The following KPNA3 variants were observed in gnomAD, a reference collection of about 807,000 sequenced individuals.
KPNA3 encodes the protein importin subunit alpha-4.
KPNA3 carries 13 observed loss-of-function variants against 73.8 expected under a neutral mutation model. The ratio of observed to expected loss-of-function variants is 0.18; its 90% confidence interval spans 0.11 to 0.28. The LOEUF (loss-of-function observed/expected upper bound fraction) is 0.28, where lower values mean the gene tolerates loss of function less well. KPNA3 is among the 10% of genes least tolerant of loss of function. The probability of loss-of-function intolerance (pLI) is 1.00; values close to 1 mark genes in which losing one functional copy is unlikely to be tolerated. For missense variants in KPNA3, 360 were observed against 618.1 expected (o/e 0.58, Z 4.43); for synonymous variants, 186 against 206.9 (o/e 0.90, Z 0.87).
intron 15 of KPNA3, among the ~76,000 whole-genome samples, chr13:49,704,159 C>T (rs1954177831): frequency 6.6e-6 from 1 of 152,108 alleles, no homozygotes; most frequent in Admixed American, 6.6e-5. Flanking sequence ...CAGTGGCTCA[C>T]GCCTGTAATC....
Position 49,789,433 on chromosome 13 carries a change from T to C in KPNA3, c.69+3005A>G, listed in dbSNP as rs1418757522. 2.0e-5 allele frequency among the ~76,000 whole-genome samples: 3 copies of C among 152,142 alleles called. No individual in the cohort carries two copies. The East Asian group carries it at 5.8e-4, about 29-fold the overall frequency. On this transcript the variant is annotated intron_variant, in intron 1 of 16. Transcript: ENST00000261667. ...TTCCTCAACCCTCTCTCTACTCAAA[T>C]CCCCTGGCATAACTCTATCCTTTTA...
At chr13:49,769,947 A>G (rs572448875) in intron 1 of KPNA3, among the ~76,000 whole-genome samples, 4 of 152,242 alleles carry the variant, frequency 2.6e-5, no homozygotes, top group African/African-American at 7.2e-5. Flanking sequence ...ACGTGAAATG[A>G]TATCTCTTGC....
chr13:49,792,649 G>A lies in KPNA3; in HGVS notation c.-143C>T, dbSNP rs372727234. On this transcript the variant is annotated 5_prime_UTR_variant, in exon 1 of 17. Coordinates refer to ENST00000261667, the MANE Select transcript of KPNA3 (RefSeq NM_002267.4). The stretch of plus-strand genomic sequence containing the variant: ...GTTCTGTGACGCCTCCGAGCGCGAG[G>A]TGGCAGTAGCGCCGGGGGAGGCGCG... 483 of 517,594 alleles carry A rather than the reference G, an allele frequency of 9.3e-4. 10 individuals are homozygous for A. The highest frequency in any genetic ancestry group is 7.1e-3 in the South Asian group (324 of 45,810). 32.1% of individuals were successfully genotyped at this position (517,594 alleles called of 1,614,324 possible).
At chr13:49,727,677 C>A (rs1220242167) in intron 6 of KPNA3, among the ~76,000 whole-genome samples, 1 of 151,582 alleles carries the variant, frequency 6.6e-6, no homozygotes, top group Non-Finnish European at 1.5e-5. Context: ...TTTTTTTGCA[C>A]CAAAATAAAC....
At chr13:49,747,576 T>C (rs928468937) in intron 1 of KPNA3, among the ~76,000 whole-genome samples, 2 of 152,154 alleles carry the variant, frequency 1.3e-5, no homozygotes, top group African/African-American at 4.8e-5. Context: ...TCCCAGCTAC[T>C]CCTGGAGGCT....
chr13:49,777,355 AAAATCCAAGGATGCAT>A (rs1477295034), intron 1 of KPNA3, among the ~76,000 whole-genome samples: 1 of 152,242 alleles, frequency 6.6e-6, no homozygotes, highest in East Asian at 1.9e-4. Flanking sequence ...TCCTAATACC[AAAATCCAAGGATGCAT>A]AAGTCCCTTT....
intron 12 of KPNA3, among the ~76,000 whole-genome samples, chr13:49,709,369 C>A (rs1954237592): frequency 6.7e-6 from 1 of 148,214 alleles, no homozygotes. Flanking sequence ...CCACTGCACT[C>A]CAGCCTAGGC....
At chr13:49,739,914 T>G (rs1234871928) in intron 2 of KPNA3, among the ~76,000 whole-genome samples, 1 of 152,142 alleles carries the variant, frequency 6.6e-6, no homozygotes, top group Non-Finnish European at 1.5e-5. Context: ...GAGTAAAACA[T>G]GATGATCTGA....
chr13:49,708,453 GA>G (rs1185763265), intron 12 of KPNA3, among the ~76,000 whole-genome samples: 1 of 152,172 alleles, frequency 6.6e-6, no homozygotes, highest in Non-Finnish European at 1.5e-5. Flanking sequence ...AGCTGCAATG[GA>G]AAACGGTTTG....
Position 49,705,766 on chromosome 13 carries a change from C to T in KPNA3, c.1227G>A (p.Gln409=). Residue 409 remains glutamine, a synonymous_variant, in exon 15 of 17, where the codon CAG becomes CAA. Transcript: ENST00000261667. ...TACAGAACGGTGGTATTACATTCTG[C>T]TGTACAAGGTACTCAACCTAGACAA... ...GRKDQVEYLV[Q]QNVIPPFCNL... 1 of 1,612,690 alleles carries T rather than the reference C, an allele frequency of 6.2e-7. No individual in the cohort carries two copies. Among genetic ancestry groups the T allele is most frequent in the East Asian group, 2.2e-5 (1 of 44,844 alleles).
intron 6 of KPNA3, among the ~76,000 whole-genome samples, chr13:49,729,723 T>C (rs1360547649): frequency 2.0e-5 from 3 of 152,154 alleles, no homozygotes; most frequent in African/African-American, 7.2e-5. Context: ...GAGCTTGCAG[T>C]GAGCCAAGAT....
chr13:49,717,057 TTCA>T (rs1205190390), intron 10 of KPNA3, among the ~76,000 whole-genome samples: 1 of 152,166 alleles, frequency 6.6e-6, no homozygotes, highest in Non-Finnish European at 1.5e-5. Context: ...AGTCCATGCC[TTCA>T]TCAACTTCCC....
In KPNA3 at chr13:49,701,892, C is replaced by T. The variant is rs1417942947; in HGVS notation, c.1474G>A (p.Glu492Lys). The change falls in exon 17 of 17, where the codon GAA (glutamate) becomes AAA (lysine). Residue 492 changes from glutamate (E) to lysine (K), a missense_variant. Around this residue, in one of 3 missense-constraint regions of KPNA3, gnomAD observed 38 missense variants for 39.0 expected, o/e 0.98. Coordinates refer to ENST00000261667, the MANE Select transcript of KPNA3 (RefSeq NM_002267.4). ...DQYFSGDDID[E>K]DPCLIPEATQ... Reference sequence around the variant, plus strand: ...GCTTCAGGAATGAGGCAGGGATCTTCATCAATCTGTAAAAAACAAGAAAAA... The same window carrying T: ...GCTTCAGGAATGAGGCAGGGATCTTTATCAATCTGTAAAAAACAAGAAAAA... 21 of 1,609,074 alleles carry T rather than the reference C, an allele frequency of 1.3e-5. No individual in the cohort carries two copies. Among genetic ancestry groups the T allele is most frequent in the Non-Finnish European group, 1.8e-5 (21 of 1,175,690 alleles).
At chr13:49,783,977 G>A (rs1348435592) in intron 1 of KPNA3, among the ~76,000 whole-genome samples, 3 of 152,282 alleles carry the variant, frequency 2.0e-5, no homozygotes, top group Middle Eastern at 3.4e-3. Flanking sequence ...TTTAGACTGG[G>A]CTCAGTGGCT....
intron 1 of KPNA3, among the ~76,000 whole-genome samples, chr13:49,782,325 T>G (rs1408880114): frequency 1.3e-5 from 2 of 152,192 alleles, no homozygotes; most frequent in Non-Finnish European, 2.9e-5. Flanking sequence ...TCTTTCTGAG[T>G]TGGCAAACTC....
At chr13:49,761,196 G>C (rs1954756181) in intron 1 of KPNA3, among the ~76,000 whole-genome samples, 1 of 151,912 alleles carries the variant, frequency 6.6e-6, no homozygotes, top group South Asian at 2.1e-4. Context: ...GTAGAGAAGA[G>C]GGTCCCTCTC....
At chr13:49,776,105 A>C (rs1954896459) in intron 1 of KPNA3, among the ~76,000 whole-genome samples, 2 of 152,188 alleles carry the variant, frequency 1.3e-5, no homozygotes, top group African/African-American at 4.8e-5. Flanking sequence ...AGTAGAGACA[A>C]GAGTTTCGCC....
intron 15 of KPNA3, among the ~76,000 whole-genome samples, chr13:49,705,033 G>A (rs759413379): frequency 4.8e-4 from 73 of 152,304 alleles, no homozygotes; most frequent in Non-Finnish European, 8.7e-4. Context: ...GTCATGCACT[G>A]TGACTTCAAG....
intron 1 of KPNA3, among the ~76,000 whole-genome samples, chr13:49,788,331 C>G (rs1454090378): frequency 1.3e-5 from 2 of 152,196 alleles, no homozygotes; most frequent in African/African-American, 4.8e-5. Context: ...TTAAACAGAA[C>G]ATTTCTGTTT....
Sources: allele counts gnomAD v4.1 joint callset (sites outside exome capture counted in the v4.1 genomes callset), GRCh38; gene constraint gnomAD v4.1.1; regional missense constraint gnomAD v4.1.1; transcripts MANE v1.5; gene names NCBI Gene and HGNC (gene_info 2026-07-23, HGNC 2026-07-21).